SSBP2: variants seen among roughly 807,000 people sequenced by gnomAD.
SSBP2 encodes the protein single-stranded DNA-binding protein 2.
A neutral mutation model predicts 61.8 loss-of-function variants in SSBP2; 17 were observed. The ratio of observed to expected loss-of-function variants is 0.28; its 90% CI spans 0.19 to 0.41. SSBP2 has a LOEUF of 0.41. Among genes scored for constraint, SSBP2 ranks in the 10% least tolerant of loss-of-function variants. The pLI is 1.00. For synonymous variants in SSBP2, 139 were observed against 141.3 expected, an observed-to-expected ratio of 0.98 and a Z score of 0.12; for missense variants, 310 against 458.7, an observed-to-expected ratio of 0.68 and a Z score of 2.96.
chr5:81,741,464 A>G (rs1008620606), intron 1 of SSBP2, among the ~76,000 whole-genome samples: 4 of 152,214 alleles, frequency 2.6e-5, no homozygotes, highest in Admixed American at 2.6e-4. Context: ...TGTACAACTA[A>G]AAGTGGTTAA....
intron 1 of SSBP2, among the ~76,000 whole-genome samples, chr5:81,704,517 G>C (rs1280536857): frequency 6.6e-6 from 1 of 152,046 alleles, no homozygotes; most frequent in Non-Finnish European, 1.5e-5. Flanking sequence ...AGCATTCCCT[G>C]GCCAGGCATG....
At chr5:81,717,914 TACA>T (rs1554118405) in intron 1 of SSBP2, among the ~76,000 whole-genome samples, 1 of 152,178 alleles carries the variant, frequency 6.6e-6, no homozygotes, top group Non-Finnish European at 1.5e-5. Context: ...CAATGGAGGA[TACA>T]TGGTTGTGGT....
At chr5:81,743,899 T>C (rs1395243728) in intron 1 of SSBP2, among the ~76,000 whole-genome samples, 1 of 152,212 alleles carries the variant, frequency 6.6e-6, no homozygotes, top group Non-Finnish European at 1.5e-5. Context: ...AACCCTGATG[T>C]TCTTGACTCA....
chr5:81,668,779 C>T (rs1041125529), intron 1 of SSBP2, among the ~76,000 whole-genome samples: 13 of 151,978 alleles, frequency 8.6e-5, no homozygotes, highest in African/African-American at 2.9e-4. Context: ...GGTCTTGTTA[C>T]ATTTTACATT....
intron 1 of SSBP2, among the ~76,000 whole-genome samples, chr5:81,749,591 G>A (rs1467201060): frequency 2.0e-5 from 3 of 152,044 alleles, no homozygotes; most frequent in Non-Finnish European, 2.9e-5. Flanking sequence ...AAGACAGGGT[G>A]CGTTCAACGA....
At chr5:81,637,403 T>G (rs1748338580) in intron 2 of SSBP2, among the ~76,000 whole-genome samples, 1 of 152,238 alleles carries the variant, frequency 6.6e-6, no homozygotes, top group African/African-American at 2.4e-5. Flanking sequence ...TTAAAATCTG[T>G]TTAGCTATTT....
intron 4 of SSBP2, among the ~76,000 whole-genome samples, chr5:81,538,994 A>G (rs1771031134): frequency 6.6e-6 from 1 of 152,240 alleles, no homozygotes; most frequent in African/African-American, 2.4e-5. Flanking sequence ...AAGACTTATT[A>G]TTTAAGAAAT....
At chr5:81,541,569 G>C (rs1296345899) in intron 4 of SSBP2, among the ~76,000 whole-genome samples, 1 of 151,946 alleles carries the variant, frequency 6.6e-6, no homozygotes, top group Non-Finnish European at 1.5e-5. Flanking sequence ...GGTCCAAAAA[G>C]AGACATATAG....
intron 4 of SSBP2, among the ~76,000 whole-genome samples, chr5:81,566,668 TG>T (rs1773447215): frequency 6.6e-6 from 1 of 152,114 alleles, no homozygotes; most frequent in South Asian, 2.1e-4. Context: ...CAACTTTGGT[TG>T]GGAACAGTTT....
intron 11 of SSBP2, chr5:81,448,140 A>G (rs932852886): frequency 1.3e-5 from 2 of 152,038 alleles, no homozygotes; most frequent in Admixed American, 6.6e-5. Flanking sequence ...GGTGTAACGT[A>G]TTTTCCTCTG....
intron 15 of SSBP2, among the ~76,000 whole-genome samples, chr5:81,435,821 T>C (rs1762638816): frequency 6.6e-6 from 1 of 152,172 alleles, no homozygotes; most frequent in Non-Finnish European, 1.5e-5. Context: ...GATACAAGAA[T>C]ATGCTTCTCA....
At chr5:81,533,119 T>C (rs1354771624) in intron 4 of SSBP2, among the ~76,000 whole-genome samples, 1 of 151,916 alleles carries the variant, frequency 6.6e-6, no homozygotes, top group African/African-American at 2.4e-5. Flanking sequence ...TTCACCAAAA[T>C]AGACCATATT....
At chr5:81,491,115 T>G (rs549975839) in intron 5 of SSBP2, among the ~76,000 whole-genome samples, 1 of 152,332 alleles carries the variant, frequency 6.6e-6, no homozygotes, top group African/African-American at 2.4e-5. Context: ...AGCTGTCTTT[T>G]TAATTCTGGA....
intron 4 of SSBP2, among the ~76,000 whole-genome samples, chr5:81,578,106 C>T (rs1253089922): frequency 1.3e-5 from 2 of 152,064 alleles, no homozygotes; most frequent in East Asian, 1.9e-4. Context: ...AGCACACTCA[C>T]AAACTTTAAA....
At chr5:81,469,524 T>C (rs1339888731) in intron 8 of SSBP2, among the ~76,000 whole-genome samples, 1 of 151,934 alleles carries the variant, frequency 6.6e-6, no homozygotes, top group Non-Finnish European at 1.5e-5. Context: ...TTATCTAGAC[T>C]TTCCCCATTA....
chr5:81,532,559 A>G (rs778624996), intron 4 of SSBP2, among the ~76,000 whole-genome samples: 1 of 152,022 alleles, frequency 6.6e-6, no homozygotes, highest in Non-Finnish European at 1.5e-5. Context: ...AAAAATAAAG[A>G]TTTTTAAAAA....
At position 81,466,988 on chromosome 5, in the gene SSBP2, C is replaced by T; in HGVS notation, c.624G>A (p.Met208Ile). 1 of 1,607,270 alleles carries T rather than the reference C, an allele frequency of 6.2e-7. No individual in the cohort carries two copies. Among genetic ancestry groups the T allele is most frequent in the South Asian group, 1.1e-5 (1 of 90,044 alleles). Residue 208 changes from methionine (M) to isoleucine (I), a missense_variant, in exon 9 of 17, where the codon ATG becomes ATA. Met to Ile is a conservative substitution (Grantham distance 10, BLOSUM62 1). This residue lies in a region of SSBP2 where 209 missense variants were observed against 286.4 expected (regional missense o/e 0.73). Transcript: ENST00000320672. The stretch of plus-strand genomic sequence containing the variant: ...ACATTGCTTACATGTTCATTCCAGG[C>T]ATTCCAGGGCCACCTAAAGCATTCA...
chr5:81,578,728 A>T (rs1774419222), intron 4 of SSBP2, among the ~76,000 whole-genome samples: 1 of 151,968 alleles, frequency 6.6e-6, no homozygotes. Context: ...CAAAAAGTAG[A>T]CTGACAGCAA....
chr5:81,443,504 T>C (rs1246566944), intron 12 of SSBP2, among the ~76,000 whole-genome samples: 2 of 152,188 alleles, frequency 1.3e-5, no homozygotes, highest in East Asian at 1.9e-4. Flanking sequence ...TGATAAATTA[T>C]GGTTTTCTAT....
Sources: allele counts gnomAD v4.1 joint callset (sites outside exome capture counted in the v4.1 genomes callset), GRCh38; gene constraint gnomAD v4.1.1; regional missense constraint gnomAD v4.1.1; transcripts MANE v1.5; gene names NCBI Gene and HGNC (gene_info 2026-07-23, HGNC 2026-07-21).